PCDH15: variants seen among roughly 807,000 people sequenced by gnomAD.
The protein encoded by PCDH15 is protocadherin-15.
In PCDH15, 129 loss-of-function variants were observed where a neutral mutation model predicts 178.5. The observed-to-expected ratio is 0.72, with a 90% CI of 0.63 to 0.84. The LOEUF (loss-of-function observed/expected upper bound fraction) is 0.84. Among genes scored for constraint, PCDH15 ranks in the 40% least tolerant of loss-of-function variants. The pLI, the probability that PCDH15 is intolerant of heterozygous loss-of-function variation, is 0.00. For missense variants in PCDH15, 2,230 were observed against 2,099.9 expected, an observed-to-expected ratio of 1.06 and a Z score of -1.21; for synonymous variants, 800 against 732.0, an observed-to-expected ratio of 1.09 and a Z score of -1.50.
At chr10:53,831,235 C>T (rs146515245) in intron 30 of PCDH15, 80 bp downstream of exon 30, 252 of 1,299,906 alleles carry the variant, frequency 1.9e-4, no homozygotes, top group African/African-American at 1.8e-3. Context: ...TATTTTACAA[C>T]GCAAAGCCAT....
chr10:55,360,676 C>T (rs1219345149), intron 2 of PCDH15, among the ~76,000 whole-genome samples: 1 of 151,922 alleles, frequency 6.6e-6, no homozygotes, highest in Non-Finnish European at 1.5e-5. Context: ...ATGTACTCAC[C>T]TCAAGGCTCA....
intron 2 of PCDH15, among the ~76,000 whole-genome samples, chr10:55,390,154 A>C (rs2132012348): frequency 6.6e-6 from 1 of 152,258 alleles, no homozygotes; most frequent in South Asian, 2.1e-4. Context: ...AGACATATAA[A>C]ATTTATGGTT....
intron 3 of PCDH15, among the ~76,000 whole-genome samples, chr10:54,387,295 A>G (rs1950040494): frequency 6.6e-6 from 1 of 152,158 alleles, no homozygotes; most frequent in African/African-American, 2.4e-5. Flanking sequence ...TGGCAGCATC[A>G]TTCACAATAG....
chr10:54,405,100 C>G (rs1489018000), intron 3 of PCDH15, among the ~76,000 whole-genome samples: 1 of 151,836 alleles, frequency 6.6e-6, no homozygotes, highest in Non-Finnish European at 1.5e-5. Context: ...GTGGTGATTC[C>G]TCACGGACCT....
chr10:54,341,937 A>G (rs562588304), intron 6 of PCDH15, among the ~76,000 whole-genome samples: 1 of 152,346 alleles, frequency 6.6e-6, no homozygotes, highest in South Asian at 2.1e-4. Context: ...GCAGCAAAGT[A>G]TTCAAGATGT....
intron 2 of PCDH15, among the ~76,000 whole-genome samples, chr10:55,465,800 T>C (rs543037685): frequency 6.6e-6 from 1 of 152,260 alleles, no homozygotes; most frequent in Admixed American, 6.5e-5. Flanking sequence ...AGAGAACAGT[T>C]TGTCAAAGGA....
At chr10:54,757,993 T>C (rs113884578) in intron 1 of PCDH15, among the ~76,000 whole-genome samples, 2 of 152,336 alleles carry the variant, frequency 1.3e-5, no homozygotes, top group African/African-American at 2.4e-5. Flanking sequence ...GCTGCTTTTC[T>C]TTCCCTTGTA....
At chr10:54,370,872 A>G (rs1947555056) in intron 4 of PCDH15, among the ~76,000 whole-genome samples, 1 of 151,860 alleles carries the variant, frequency 6.6e-6, no homozygotes, top group African/African-American at 2.4e-5. Flanking sequence ...TTTTATGGCC[A>G]ACAAAGAAAA....
In PCDH15 at chr10:54,779,484, A is replaced by ATG. The variant is rs754781784; in HGVS notation, c.-29+21440_-29+21441insCA. 6.0e-4 allele frequency among the ~76,000 whole-genome samples: 30 copies of ATG among 50,166 alleles called. 1 individual carries two copies. The highest frequency in any genetic ancestry group is 1.4e-3 in the African/African-American group (21 of 15,126). 32.9% of individuals were successfully genotyped at this position (50,166 alleles called of 152,430 possible). On this transcript the variant is annotated intron_variant, in intron 1 of 37. Coordinates refer to ENST00000644397, the MANE Select transcript of PCDH15 (RefSeq NM_001384140.1). The stretch of plus-strand genomic sequence containing the variant: ...TGTGTGTATATATATACACACATAT[A>ATG]TATGTATATATATACACACATATAT...
chr10:55,380,206 G>C (rs1837500189), intron 2 of PCDH15, among the ~76,000 whole-genome samples: 1 of 152,120 alleles, frequency 6.6e-6, no homozygotes, highest in Non-Finnish European at 1.5e-5. Context: ...AGTAAATGGT[G>C]TAACAGTCAT....
intron 8 of PCDH15, among the ~76,000 whole-genome samples, chr10:54,258,432 C>T (rs752344225): frequency 2.1e-4 from 32 of 152,098 alleles, no homozygotes; most frequent in Non-Finnish European, 4.6e-4. Flanking sequence ...TGCTAATTCT[C>T]CTGCTGAAAT....
At chr10:54,522,508 T>A (rs1199982567) in intron 3 of PCDH15, among the ~76,000 whole-genome samples, 1 of 152,192 alleles carries the variant, frequency 6.6e-6, no homozygotes, top group Admixed American at 6.5e-5. Context: ...GCAGTTTTGC[T>A]CTAATGTAAT....
At chr10:54,726,757 C>CA (rs1942593401) in intron 1 of PCDH15, among the ~76,000 whole-genome samples, 1 of 150,242 alleles carries the variant, frequency 6.7e-6, no homozygotes, top group Admixed American at 6.7e-5. Context: ...TTTTGAAAAA[C>CA]AATCAAAAGC....
In PCDH15 at chr10:54,277,285, T is replaced by C. The variant is rs529060437; in HGVS notation, c.876+39986A>G. Among the ~76,000 whole-genome samples, 3 of 151,754 alleles carry C rather than the reference T, an allele frequency of 2.0e-5. No individual in the cohort carries two copies. The South Asian group carries it at 6.2e-4, about 31-fold the overall frequency. On this transcript the variant is annotated intron_variant, in intron 8 of 37. Coordinates refer to ENST00000644397, the MANE Select transcript of PCDH15 (RefSeq NM_001384140.1). ...CTATTAGAATTCCTGCCATGAATCC[T>C]AAAATATATGATATAGTCTTAGTGA...
intron 2 of PCDH15, among the ~76,000 whole-genome samples, chr10:54,939,494 CAAAAAA>C (rs71014430): frequency 7.1e-4 from 19 of 26,674 alleles, no homozygotes; most frequent in Admixed American, 7.0e-3. Flanking sequence ...GACTCCGTCT[CAAAAAA>C]AAAAAAAAAA....
intron 2 of PCDH15, among the ~76,000 whole-genome samples, chr10:55,109,388 T>C (rs536941508): frequency 6.6e-6 from 1 of 152,336 alleles, no homozygotes; most frequent in East Asian, 1.9e-4. Flanking sequence ...AAATTAATTC[T>C]AAAATCTAAT....
chr10:55,485,401 T>G (rs1409871909), intron 2 of PCDH15, among the ~76,000 whole-genome samples: 1 of 151,650 alleles, frequency 6.6e-6, no homozygotes, highest in African/African-American at 2.4e-5. Flanking sequence ...CAGGCATAAA[T>G]GGGTTAAAAA....
intron 2 of PCDH15, among the ~76,000 whole-genome samples, chr10:54,573,748 C>G (rs938877190): frequency 6.6e-6 from 1 of 152,120 alleles, no homozygotes; most frequent in Non-Finnish European, 1.5e-5. Flanking sequence ...ATGACTTACC[C>G]TACCCTCTCT....
intron 13 of PCDH15, among the ~76,000 whole-genome samples, chr10:54,171,761 T>A (rs1421913613): frequency 1.3e-5 from 2 of 152,068 alleles, no homozygotes; most frequent in African/African-American, 4.8e-5. Context: ...GTTTTTCTCC[T>A]TCTGTTATTC....
Sources: allele counts gnomAD v4.1 joint callset (sites outside exome capture counted in the v4.1 genomes callset), GRCh38; gene constraint gnomAD v4.1.1; transcripts MANE v1.5; gene names NCBI Gene and HGNC (gene_info 2026-07-23, HGNC 2026-07-21).